The following DNAH11 variants were observed in gnomAD, a reference collection of about 807,000 sequenced individuals.
DNAH11 encodes dynein axonemal heavy chain 11.
A neutral mutation model predicts 526.0 loss-of-function variants in DNAH11; 442 were observed. The ratio of observed to expected loss-of-function variants is 0.84; its 90% CI spans 0.78 to 0.91. The LOEUF is 0.91. Ranked by LOEUF, DNAH11 falls within the 40% of genes least tolerant of loss-of-function variation. The probability of loss-of-function intolerance (pLI) is 0.00; values close to 1 mark genes in which losing one functional copy is unlikely to be tolerated. For synonymous variants in DNAH11, 2,461 were observed against 1,935.9 expected, an observed-to-expected ratio of 1.27 and a Z score of -7.12; for missense variants, 6,989 against 5,448.7, an observed-to-expected ratio of 1.28 and a Z score of -8.90.
At position 21,619,953 on chromosome 7, in the gene DNAH11, T is replaced by C. The variant is rs1785963220; in HGVS notation, c.4378-3T>C. 3 of 1,593,886 alleles carry C rather than the reference T, an allele frequency of 1.9e-6. No homozygotes were observed. Among genetic ancestry groups the C allele is most frequent in the South Asian group, 1.2e-5 (1 of 85,446 alleles). ...GCACATTAATTATATTGTTGATTAC[T>C]AGGTTATTACTGAAATCAGTCAGAC... On this transcript the variant is annotated splice_region_variant and splice_polypyrimidine_tract_variant and intron_variant, in intron 24 of 81. Coordinates refer to ENST00000409508, the MANE Select transcript of DNAH11 (RefSeq NM_001277115.2).
At chr7:21,854,477 A>T (rs1006087858) in intron 68 of DNAH11, 22 bp downstream of exon 68, 34 of 1,606,660 alleles carry the variant, frequency 2.1e-5, no homozygotes, top group African/African-American at 2.7e-5. Context: ...TGAGCTAAGA[A>T]ATATGGGAAA....
chr7:21,619,062 T>C (rs1473001581), intron 23 of DNAH11, 38 bp from the exon 24 acceptor site: 1 of 1,611,908 alleles, frequency 6.2e-7, no homozygotes, highest in Non-Finnish European at 8.5e-7. Flanking sequence ...CGTTCATATA[T>C]GTGGAATATA....
At chr7:21,813,038 G>T (rs1422969749) in intron 63 of DNAH11, among the ~76,000 whole-genome samples, 1 of 152,192 alleles carries the variant, frequency 6.6e-6, no homozygotes, top group Admixed American at 6.5e-5. Flanking sequence ...ACAACCATGG[G>T]GCATGAGTTT....
At chr7:21,861,628 G>A (rs1783067158) in intron 68 of DNAH11, among the ~76,000 whole-genome samples, 1 of 152,188 alleles carries the variant, frequency 6.6e-6, no homozygotes, top group South Asian at 2.1e-4. Context: ...TCAATTGCTT[G>A]GAAGGAGATT....
At chr7:21,640,142 T>A (rs1787056749) in intron 28 of DNAH11, among the ~76,000 whole-genome samples, 1 of 152,224 alleles carries the variant, frequency 6.6e-6, no homozygotes, top group Admixed American at 6.5e-5. Flanking sequence ...TCAGGTAGTA[T>A]TGTTTTGTAT....
chr7:21,814,116 G>A (rs4719675), intron 63 of DNAH11, among the ~76,000 whole-genome samples: 61,706 of 151,880 alleles, frequency 0.41, 13,391 homozygotes, highest in East Asian at 0.82. Context: ...GTAAGTATTT[G>A]TGCATCTAAA....
intron 65 of DNAH11, among the ~76,000 whole-genome samples, chr7:21,819,134 G>C (rs1789944478): frequency 6.6e-6 from 1 of 152,064 alleles, no homozygotes; most frequent in African/African-American, 2.4e-5. Flanking sequence ...ACATTCACTA[G>C]ACTTAATTCA....
chr7:21,803,202 A>T (rs903499345), intron 62 of DNAH11, among the ~76,000 whole-genome samples: 3 of 152,198 alleles, frequency 2.0e-5, no homozygotes, highest in African/African-American at 2.4e-5. Context: ...GCACTATTAG[A>T]AATGCATTTG....
chr7:21,779,877 C>A (rs1039814356), intron 57 of DNAH11, among the ~76,000 whole-genome samples: 1 of 152,066 alleles, frequency 6.6e-6, no homozygotes, highest in South Asian at 2.1e-4. Flanking sequence ...ATAATCAGGG[C>A]CTAATTAATA....
chr7:21,742,694 A>G (rs923587669), intron 49 of DNAH11, among the ~76,000 whole-genome samples: 1 of 152,206 alleles, frequency 6.6e-6, no homozygotes, highest in Non-Finnish European at 1.5e-5. Flanking sequence ...ACTATGCTAT[A>G]TACTTTTGTA....
At chr7:21,865,218 A>G (rs192786432) in intron 70 of DNAH11, among the ~76,000 whole-genome samples, 3 of 152,344 alleles carry the variant, frequency 2.0e-5, no homozygotes, top group African/African-American at 7.2e-5. Flanking sequence ...GAGTATCTTA[A>G]TGATGTTCAA....
chr7:21,601,427 A>T lies in DNAH11; in HGVS notation c.3457A>T (p.Thr1153Ser), dbSNP rs767388925. 5.6e-5 allele frequency: 91 copies of T among 1,613,228 alleles called. 3 individuals carry two copies. In the South Asian group the frequency reaches 1.0e-3, roughly 18 times the overall value. The part of the protein sequence containing the change: ...LNELQEFIKE[T>S]DSGLQRELNE... ...TGAGCTACAAGAATTTATAAAGGAGACAGATTCCGGACTTCAGAGAGAATT... is the reference window on the plus strand; with the variant it reads ...TGAGCTACAAGAATTTATAAAGGAGTCAGATTCCGGACTTCAGAGAGAATT... Residue 1153 changes from threonine to serine, a missense_variant, in exon 18 of 82, where the codon ACA (threonine) becomes TCA (serine). Physicochemically the swap from Thr to Ser is moderately conservative, Grantham distance 58. Transcript: ENST00000409508.
intron 45 of DNAH11, among the ~76,000 whole-genome samples, chr7:21,726,891 A>AAAAAAAAAAAAAAAAAAAAAAAAAG (rs1269603324): frequency 8.7e-6 from 1 of 114,748 alleles, no homozygotes; most frequent in East Asian, 4.0e-4. Context: ...AAAAAAAAAA[A>AAAAAAAAAAAAAAAAAAAAAAAAAG]GAATGCTTAG....
intron 56 of DNAH11, among the ~76,000 whole-genome samples, chr7:21,776,574 C>A (rs1372694788): frequency 6.6e-6 from 1 of 152,208 alleles, no homozygotes; most frequent in Non-Finnish European, 1.5e-5. Flanking sequence ...AATAACCTCT[C>A]TCTAGATGTC....
At chr7:21,875,449 G>A (rs1783666785) in intron 74 of DNAH11, among the ~76,000 whole-genome samples, 2 of 151,916 alleles carry the variant, frequency 1.3e-5, no homozygotes, top group Admixed American at 1.3e-4. Context: ...AGATCACTTC[G>A]AGAATCTCAT....
intron 61 of DNAH11, among the ~76,000 whole-genome samples, chr7:21,791,289 G>T (rs1171276679): frequency 6.6e-6 from 1 of 152,204 alleles, no homozygotes; most frequent in Non-Finnish European, 1.5e-5. Context: ...CTTCCAGTCT[G>T]CCACCTTTGA....
chr7:21,630,945 T>C (rs1157674949), intron 25 of DNAH11, among the ~76,000 whole-genome samples: 1 of 152,196 alleles, frequency 6.6e-6, no homozygotes, highest in East Asian at 1.9e-4. Flanking sequence ...CTTAAATTTG[T>C]TAAGACTTGT....
In DNAH11 at chr7:21,601,951, A is replaced by C. The variant is rs192340045; in HGVS notation, c.3648+333A>C. The stretch of plus-strand genomic sequence containing the variant: ...TCAGTTTTACCATCATTTTTCACAC[A>C]TGAAATATATCCATACTTTTTTTTT... On this transcript the variant is annotated intron_variant, in intron 18 of 81. Transcript: ENST00000409508. Among the ~76,000 whole-genome samples, 329 of 152,038 alleles carry C rather than the reference A, an allele frequency of 2.2e-3. 1 individual carries two copies. Among genetic ancestry groups the C allele is most frequent in the Middle Eastern group, 6.8e-3 (2 of 294 alleles).
chr7:21,819,620 C>G (rs1193459661), intron 65 of DNAH11, among the ~76,000 whole-genome samples: 3 of 152,144 alleles, frequency 2.0e-5, no homozygotes, highest in South Asian at 2.1e-4. Context: ...TGCATGTTCT[C>G]TGAGCTTCAA....
Sources: allele counts gnomAD v4.1 joint callset (sites outside exome capture counted in the v4.1 genomes callset), GRCh38; gene constraint gnomAD v4.1.1; transcripts MANE v1.5; gene names NCBI Gene and HGNC (gene_info 2026-07-23, HGNC 2026-07-21).